Variants in COL4A3 observed in about 807,000 individuals in gnomAD.
The protein encoded by COL4A3 is collagen alpha-3(IV) chain.
COL4A3 carries 135 observed loss-of-function variants against 217.4 expected under a neutral mutation model. The observed-to-expected ratio is 0.62, with a 90% CI of 0.54 to 0.72. The LOEUF (loss-of-function observed/expected upper bound fraction) is 0.72. Among genes scored for constraint, COL4A3 ranks in the 30% least tolerant of loss-of-function variants. The probability of loss-of-function intolerance (pLI) is 0.00; values close to 1 mark genes in which losing one functional copy is unlikely to be tolerated. For synonymous variants in COL4A3, 690 were observed against 736.3 expected (o/e 0.94, Z 1.02); for missense variants, 1,868 against 2,119.9 (o/e 0.88, Z 2.33).
chr2:227,249,379 G>A (rs781759041), intron 9 of COL4A3, among the ~76,000 whole-genome samples: 1 of 149,504 alleles, frequency 6.7e-6, no homozygotes, highest in Non-Finnish European at 1.5e-5. Flanking sequence ...GGGACTACAC[G>A]CATGGGCCAC....
At position 227,290,892 on chromosome 2, in the gene COL4A3, T is replaced by G. The variant is rs532985233; in HGVS notation, c.3210+6T>G. 1.2e-6 allele frequency: 2 copies of G among 1,609,768 alleles called. No individual in the cohort carries two copies. The highest frequency in any genetic ancestry group is 3.3e-5 in the Admixed American group (2 of 59,716). On this transcript the variant is annotated splice_donor_region_variant and intron_variant, in intron 37 of 51. Coordinates refer to ENST00000396578, the MANE Select transcript of COL4A3 (RefSeq NM_000091.5). ...CAGGACCACCGGGACCAACGGTATA[T>G]AGGCCACTGAAATATTTACATTTTA...
chr2:227,219,809 C>G (rs12995954), intron 1 of COL4A3, among the ~76,000 whole-genome samples: 68,391 of 152,006 alleles, frequency 0.45, 16,715 homozygotes, highest in Non-Finnish European at 0.57. Context: ...CTTATGTTAT[C>G]TGTCTAGTAC....
intron 1 of COL4A3, among the ~76,000 whole-genome samples, chr2:227,230,728 T>C (rs1316337199): frequency 6.6e-6 from 1 of 152,218 alleles, no homozygotes; most frequent in Non-Finnish European, 1.5e-5. Context: ...ATTGAAAATG[T>C]ATTTAAGAAA....
chr2:227,202,602 G>C (rs1212027816), intron 1 of COL4A3, among the ~76,000 whole-genome samples: 1 of 151,382 alleles, frequency 6.6e-6, no homozygotes, highest in Non-Finnish European at 1.5e-5. Context: ...GGGCGCGGTG[G>C]CGGGCACCTG....
In COL4A3 at chr2:227,164,959, G is replaced by A; in HGVS notation, c.87+146G>A. On this transcript the variant is annotated intron_variant, in intron 1 of 51. Coordinates refer to ENST00000396578, the MANE Select transcript of COL4A3 (RefSeq NM_000091.5). This position sits in a 1 kb window ranked among gnomAD's most constrained non-coding sequence, Gnocchi z 4.8. ...GGCTGAGGGCTTCACGCAGGTCCCG[G>A]GACAGGCAGCGAGCGGAAGGGAGCA... 1 of 1,058,194 alleles carries A rather than the reference G, an allele frequency of 9.5e-7. No homozygotes were observed. Among genetic ancestry groups the A allele is most frequent in the Non-Finnish European group, 1.3e-6 (1 of 778,058 alleles). The allele number at this position is 1,058,194 out of a possible 1,614,324, so 65.6% of individuals were successfully genotyped here.
chr2:227,288,956 T>TG (rs2072508811), intron 34 of COL4A3, among the ~76,000 whole-genome samples, 194 bp from the exon 35 acceptor site: 1 of 150,230 alleles, frequency 6.7e-6, no homozygotes, highest in African/African-American at 2.4e-5. Context: ...TTTGGGTTTT[T>TG]TTTTTTTTTT....
At chr2:227,296,464 A>G in intron 41 of COL4A3, 1 of 974,204 alleles carries the variant, frequency 1.0e-6, no homozygotes, top group Non-Finnish European at 1.2e-6. Flanking sequence ...TAAGTGAATG[A>G]TTATGCACCT....
At chr2:227,234,981 G>A (rs577614288) in intron 1 of COL4A3, among the ~76,000 whole-genome samples, 12 of 152,234 alleles carry the variant, frequency 7.9e-5, no homozygotes, top group Admixed American at 3.9e-4. Flanking sequence ...AACAGTGGCC[G>A]GCTTCCTCCG....
chr2:227,247,722 T>A (rs2069435437), intron 8 of COL4A3, 138 bp downstream of exon 8: 1 of 924,096 alleles, frequency 1.1e-6, no homozygotes, highest in Admixed American at 1.8e-5. Context: ...ACAATAATAA[T>A]CGGGACATGA....
chr2:227,180,046 C>T (rs1237178848), intron 1 of COL4A3, among the ~76,000 whole-genome samples: 1 of 152,146 alleles, frequency 6.6e-6, no homozygotes, highest in African/African-American at 2.4e-5. Context: ...GTAATGAACT[C>T]AGAAAGCAAC....
At chr2:227,276,742 C>T (rs1207948053) in intron 27 of COL4A3, among the ~76,000 whole-genome samples, 2 of 152,170 alleles carry the variant, frequency 1.3e-5, no homozygotes, top group African/African-American at 4.8e-5. Flanking sequence ...AATTTTAGAG[C>T]AGAAAAACCG....
At position 227,273,088 on chromosome 2, in the gene COL4A3, C is replaced by T. The variant is rs2071339831; in HGVS notation, c.1898C>T (p.Pro633Leu). Residue 633 changes from proline (P) to leucine (L), a missense_variant, in exon 26 of 52, where the codon CCT (proline) becomes CTT (leucine). By Grantham distance (98) the Pro-to-Leu change is moderately conservative (BLOSUM62 -3). This residue lies in a region of COL4A3 where 1,503 missense variants were observed against 1,786.1 expected (regional missense o/e 0.84). Transcript: ENST00000396578. ...GGTCTCCAGGGCACGCAAGGAGTTCCTGGAGCCCCCGGACCACCCGGAGAA... is the reference window on the plus strand; with the variant it reads ...GGTCTCCAGGGCACGCAAGGAGTTCTTGGAGCCCCCGGACCACCCGGAGAA... ...EPGLQGTQGVPGAPGPPGEAG... is the reference protein window; with the variant it reads ...EPGLQGTQGVLGAPGPPGEAG... The T allele has an allele frequency of 1.9e-6, 3 of 1,613,998 alleles. No homozygotes were observed. The highest frequency in any genetic ancestry group is 2.5e-6 in the Non-Finnish European group (3 of 1,180,020).
chr2:227,222,163 AATGATAATG>A (rs71036173), intron 1 of COL4A3, among the ~76,000 whole-genome samples: 17,009 of 99,714 alleles, frequency 0.17, 1,410 homozygotes, highest in Admixed American at 0.24. Context: ...TAATAATAAT[AATGATAATG>A]ATAATAAAAA....
At chr2:227,221,141 G>A (rs2067763238) in intron 1 of COL4A3, 1 of 152,168 alleles carries the variant, frequency 6.6e-6, no homozygotes, top group African/African-American at 2.4e-5. Flanking sequence ...ATCAACACCT[G>A]TACATGTCAT....
chr2:227,211,948 T>C lies in COL4A3; in HGVS notation c.88-26020T>C, dbSNP rs373500006. On this transcript the variant is annotated intron_variant, in intron 1 of 51. Coordinates refer to ENST00000396578, the MANE Select transcript of COL4A3 (RefSeq NM_000091.5). Reference sequence around the variant, plus strand: ...TCCCAAAGTGCTAGGATTATAGGTGTGAGCCACCGTGCCCGGCCAGACTTG... The same window carrying C: ...TCCCAAAGTGCTAGGATTATAGGTGCGAGCCACCGTGCCCGGCCAGACTTG... Among the ~76,000 whole-genome samples the C allele has an allele frequency of 9.2e-5, 14 of 152,288 alleles. No homozygotes were observed. The South Asian group carries it at 1.5e-3, about 16-fold the overall frequency.
chr2:227,291,526 G>A (rs1216355083), intron 37 of COL4A3, among the ~76,000 whole-genome samples: 1 of 128,166 alleles, frequency 7.8e-6, no homozygotes, highest in Non-Finnish European at 1.6e-5. Context: ...TCGCGCCACT[G>A]CACTCCAACC....
intron 16 of COL4A3, 88 bp from the exon 17 acceptor site, chr2:227,256,255 T>C: frequency 7.9e-7 from 1 of 1,262,014 alleles, no homozygotes; most frequent in Non-Finnish European, 1.2e-6. Flanking sequence ...CATTCTTTTG[T>C]TTCAGAGGAG....
intron 1 of COL4A3, chr2:227,221,396 A>G (rs1169718590): frequency 2.0e-5 from 3 of 149,668 alleles, no homozygotes; most frequent in Non-Finnish European, 1.5e-5. Flanking sequence ...TCCCTCATTG[A>G]TGACCTTTAT....
chr2:227,281,180 G>A (rs754593060), intron 31 of COL4A3, among the ~76,000 whole-genome samples, 174 bp downstream of exon 31: 5 of 152,180 alleles, frequency 3.3e-5, no homozygotes, highest in Admixed American at 6.5e-5. Context: ...ACACAGTAGT[G>A]TGTACCACCT....
Sources: gnomAD v4.1 joint callset for allele counts (sites outside exome capture counted in the v4.1 genomes callset) on GRCh38, gnomAD v4.1.1 for gene constraint, gnomAD v4.1.1 regional missense constraint, Gnocchi (gnomAD v3.1) non-coding constraint, MANE v1.5 for transcripts, NCBI Gene and HGNC (gene_info 2026-07-23, HGNC 2026-07-21) for gene names.